The following SYNM variants were observed in gnomAD, a reference collection of about 807,000 sequenced individuals.
SYNM encodes the protein synemin.
Under a neutral mutation model 104.0 loss-of-function variants are expected in SYNM, and 95 were observed. The observed-to-expected ratio is 0.91, with a 90% CI of 0.77 to 1.08. The LOEUF is 1.08. Ranked by LOEUF, SYNM falls within the 50% of genes least tolerant of loss-of-function variation. SYNM has a pLI of 0.00. For synonymous variants in SYNM, 918 were observed against 869.0 expected (o/e 1.06, Z -0.99); for missense variants, 2,150 against 2,052.2 (o/e 1.05, Z -0.92).
intron 1 of SYNM, among the ~76,000 whole-genome samples, chr15:99,107,922 AC>A (rs1159038272): frequency 7.8e-6 from 1 of 127,606 alleles, no homozygotes; most frequent in Admixed American, 7.6e-5. Context: ...GTCAATAAGG[AC>A]CTGGTTTTTT....
rs782309710 is a variant in SYNM, at chr15:99,130,079, A to C, written c.1719A>C (p.Arg573=). 6.3e-7 allele frequency: 1 copy of C among 1,599,730 alleles called. No individual in the cohort carries two copies. The highest frequency in any genetic ancestry group is 8.5e-7 in the Non-Finnish European group (1 of 1,170,180). Residue 573 remains arginine (R), a synonymous_variant, in exon 4 of 4, where the codon CGA becomes CGC. Coordinates refer to ENST00000336292, the MANE Select transcript of SYNM (RefSeq NM_145728.3). ...EKDSPKEKSV[R]EREVPISLEV... ...ACTCACCGAAGGAGAAGAGCGTGCG[A>C]GAGAGAGAGGTGCCGATTAGTCTAG...
In SYNM at chr15:99,131,115, G is replaced by A. The variant is rs376246829; in HGVS notation, c.2755G>A (p.Glu919Lys). 24 of 1,601,086 alleles carry A rather than the reference G, an allele frequency of 1.5e-5. No homozygotes were observed. The highest frequency in any genetic ancestry group is 5.4e-5 in the African/African-American group (4 of 74,658). ...AGCTAGAAGCGGTGAATTTCATGCC[G>A]AACCCACAGTCATTGAAAAAGAAAT... ...EQARSGEFHA[E>K]PTVIEKEIKI... Residue 919 changes from glutamate (E) to lysine (K), a missense_variant, in exon 4 of 4, where the codon GAA (glutamate) becomes AAA (lysine). Transcript: ENST00000336292. The surrounding 1 kb of genome is among the most constrained non-coding windows in gnomAD (Gnocchi z 4.3).
In SYNM at chr15:99,132,791, G is replaced by C; in HGVS notation, c.4431G>C (p.Gln1477His). 8 of 1,614,030 alleles carry C rather than the reference G, an allele frequency of 5.0e-6. No homozygotes were observed. The highest frequency in any genetic ancestry group is 6.8e-6 in the Non-Finnish European group (8 of 1,179,910). ...TAGAGGCGATCCGCAGCCGGACACA[G>C]GAAGCGGGAGCTCTCGGTGTGTCTG... The part of the protein sequence containing the change: ...SNVEAIRSRT[Q>H]EAGALGVSDR... Residue 1477 changes from glutamine to histidine, a missense_variant, in exon 4 of 4, where the codon CAG becomes CAC. Physicochemically the swap from Gln to His is conservative, Grantham distance 24. Transcript: ENST00000336292.
At position 99,133,965 on chromosome 15, in the gene SYNM, C is replaced by G. The variant is rs868940208; in HGVS notation, c.*907C>G. On this transcript the variant is annotated 3_prime_UTR_variant, in exon 4 of 4. Coordinates refer to ENST00000336292, the MANE Select transcript of SYNM (RefSeq NM_145728.3). Reference sequence around the variant, plus strand: ...ACCTTGAAGACAATGAAGAGAATGCCGATACTCAGACTGCAGCTGGACCGG... The same window carrying G: ...ACCTTGAAGACAATGAAGAGAATGCGGATACTCAGACTGCAGCTGGACCGG... 3 of 152,102 alleles carry G rather than the reference C, an allele frequency of 2.0e-5. No homozygotes were observed. Among genetic ancestry groups the G allele is most frequent in the Non-Finnish European group, 2.9e-5 (2 of 68,052 alleles). The allele number at this position is 152,102 out of a possible 1,614,324, so 9.4% of individuals were successfully genotyped here. A position where few individuals can be genotyped will look rare whatever the true frequency, so the allele number is the denominator to read the frequency against.
chr15:99,116,812 G>A (rs1274037251), intron 2 of SYNM, among the ~76,000 whole-genome samples: 1 of 143,588 alleles, frequency 7.0e-6, no homozygotes, highest in Non-Finnish European at 1.5e-5. Context: ...GAGTAGCTGG[G>A]ACTACAGGCA....
chr15:99,132,291 A>G lies in SYNM; in HGVS notation c.3931A>G (p.Ile1311Val), dbSNP rs1301083689. ...AGGGAGCAGCACATCCATCAGGCAC[A>G]TCAGCATTGGGCCTCAGAGGCATCA... Reference protein sequence around the residue: ...LPGSSTSIRHISIGPQRHQTT... With the variant: ...LPGSSTSIRHVSIGPQRHQTT... Residue 1311 changes from isoleucine to valine, a missense_variant, in exon 4 of 4, where the codon ATC (isoleucine) becomes GTC (valine). By Grantham distance (29) the Ile-to-Val change is conservative. Transcript: ENST00000336292. 1.2e-6 allele frequency: 2 copies of G among 1,609,766 alleles called. No homozygotes were observed. Among genetic ancestry groups the G allele is most frequent in the Non-Finnish European group, 1.7e-6 (2 of 1,176,778 alleles).
At chr15:99,114,420 A>G (rs1199707018) in intron 2 of SYNM, among the ~76,000 whole-genome samples, 1 of 151,990 alleles carries the variant, frequency 6.6e-6, no homozygotes, top group African/African-American at 2.4e-5. Flanking sequence ...GGGGGTTACA[A>G]ATCGAGATGA....
At position 99,113,667 on chromosome 15, in the gene SYNM, ACCT is replaced by A. The variant is rs1374755352; in HGVS notation, c.891_893del (p.Leu298del). 9 of 1,613,338 alleles carry A rather than the reference ACCT, an allele frequency of 5.6e-6. No individual in the cohort carries two copies. The highest frequency in any genetic ancestry group is 1.3e-5 in the African/African-American group (1 of 74,974). On this transcript the variant is annotated inframe_deletion, in exon 2 of 4. Transcript: ENST00000336292. ...GCTGACTGGCTGCGGGACTATCAGG[ACCT>A]CCTGCAGGTGAAGACCGGCCTCAGT...
intron 2 of SYNM, among the ~76,000 whole-genome samples, chr15:99,120,511 G>A (rs527428261): frequency 6.6e-6 from 1 of 152,274 alleles, no homozygotes; most frequent in East Asian, 1.9e-4. Flanking sequence ...GGAGGGCCAC[G>A]TGTGATGGAT....
intron 1 of SYNM, among the ~76,000 whole-genome samples, chr15:99,112,579 G>T (rs1358181860): frequency 6.6e-6 from 1 of 152,242 alleles, no homozygotes; most frequent in African/African-American, 2.4e-5. Context: ...GATTCAGAAG[G>T]CCGCAGTATC....
chr15:99,116,185 C>T (rs1376667461), intron 2 of SYNM, among the ~76,000 whole-genome samples: 1 of 152,264 alleles, frequency 6.6e-6, no homozygotes, highest in Non-Finnish European at 1.5e-5. Context: ...TGTTGCCAGA[C>T]TGGACTTCCC....
chr15:99,114,964 C>T (rs1467655359), intron 2 of SYNM, among the ~76,000 whole-genome samples: 1 of 152,222 alleles, frequency 6.6e-6, no homozygotes, highest in Non-Finnish European at 1.5e-5. Flanking sequence ...GGCGTCCTTA[C>T]TGCCTGCCAG....
Position 99,133,928 on chromosome 15 carries a change from G to A in SYNM, c.*870G>A, listed in dbSNP as rs2067538533. The A allele has an allele frequency of 6.6e-6, 1 of 152,166 alleles. No individual in the cohort carries two copies. The highest frequency in any genetic ancestry group is 2.1e-4 in the South Asian group (1 of 4,826). 9.4% of individuals were successfully genotyped at this position (152,166 alleles called of 1,614,324 possible). A position where few individuals can be genotyped will look rare whatever the true frequency, so the allele number is the denominator to read the frequency against. ...TAGCACCCAAACATTTAATTTCACTGGTGGGAGGTAGACCTTGAAGACAAT... is the reference window on the plus strand; with the variant it reads ...TAGCACCCAAACATTTAATTTCACTAGTGGGAGGTAGACCTTGAAGACAAT... On this transcript the variant is annotated 3_prime_UTR_variant, in exon 4 of 4. Coordinates refer to ENST00000336292, the MANE Select transcript of SYNM (RefSeq NM_145728.3).
At position 99,106,632 on chromosome 15, in the gene SYNM, C is replaced by T. The variant is rs12324918; in HGVS notation, c.810+623C>T. On this transcript the variant is annotated intron_variant, in intron 1 of 3. Coordinates refer to ENST00000336292, the MANE Select transcript of SYNM (RefSeq NM_145728.3). ...AGCACACGCTGACGTCAGATCTCTG[C>T]GTAGTGTAAAAGTTGTGGGAAAGTG... is the stretch of plus-strand genomic sequence containing the variant. 2.8e-3 allele frequency among the ~76,000 whole-genome samples: 425 copies of T among 152,296 alleles called. 2 individuals are homozygous for T. The highest frequency in any genetic ancestry group is 9.8e-3 in the African/African-American group (406 of 41,552).
intron 1 of SYNM, among the ~76,000 whole-genome samples, chr15:99,113,136 G>T (rs1470596777): frequency 1.3e-5 from 2 of 152,218 alleles, no homozygotes; most frequent in African/African-American, 4.8e-5. Flanking sequence ...CCTGCTTATT[G>T]TTGGAGAAAT....
chr15:99,128,035 T>TCATTCATTC (rs2067463574), intron 3 of SYNM, among the ~76,000 whole-genome samples: 1 of 151,638 alleles, frequency 6.6e-6, no homozygotes, highest in African/African-American at 2.4e-5. Context: ...ATTCATTCAT[T>TCATTCATTC]ATTTTTCAAG....
intron 2 of SYNM, among the ~76,000 whole-genome samples, chr15:99,120,494 G>A (rs372703431): frequency 6.6e-6 from 1 of 152,198 alleles, no homozygotes; most frequent in Non-Finnish European, 1.5e-5. Flanking sequence ...CTTTGGGGGC[G>A]TGTCATGGAG....
chr15:99,134,368 A>G lies in SYNM; in HGVS notation c.*1310A>G, dbSNP rs1216217192. The G allele has an allele frequency of 6.6e-6, 1 of 152,034 alleles. No individual in the cohort carries two copies. Among genetic ancestry groups the G allele is most frequent in the Non-Finnish European group, 1.5e-5 (1 of 68,028 alleles). The allele number at this position is 152,034 out of a possible 1,614,324, so 9.4% of individuals were successfully genotyped here. On this transcript the variant is annotated 3_prime_UTR_variant, in exon 4 of 4. Coordinates refer to ENST00000336292, the MANE Select transcript of SYNM (RefSeq NM_145728.3). ...CCACCGAGTTTAAGATACTGGGATG[A>G]GCATGCTTCATTGGATTCATTTTAT...
intron 2 of SYNM, among the ~76,000 whole-genome samples, chr15:99,114,758 T>C (rs2067331447): frequency 7.6e-6 from 1 of 132,240 alleles, no homozygotes; most frequent in East Asian, 2.2e-4. Context: ...GGAACAGTGC[T>C]CCTCCCCTCC....
Sources: allele counts gnomAD v4.1 joint callset (sites outside exome capture counted in the v4.1 genomes callset), GRCh38; gene constraint gnomAD v4.1.1; non-coding constraint Gnocchi (gnomAD v3.1); transcripts MANE v1.5; gene names NCBI Gene and HGNC (gene_info 2026-07-23, HGNC 2026-07-21).